ATAD2B: variants seen among roughly 807,000 people sequenced by gnomAD.
ATAD2B encodes the protein ATPase family AAA domain containing 2B, also known as ATPase family AAA domain-containing protein 2B.
A neutral mutation model predicts 167.6 loss-of-function variants in ATAD2B; 40 were observed. The observed-to-expected ratio is 0.24, with a 90% CI of 0.19 to 0.31. The LOEUF is 0.31. ATAD2B is among the 10% of genes least tolerant of loss of function. The probability of loss-of-function intolerance (pLI) is 1.00; values close to 1 mark genes in which losing one functional copy is unlikely to be tolerated. For missense variants in ATAD2B, 1,242 were observed against 1,757.2 expected, an observed-to-expected ratio of 0.71 and a Z score of 5.24; for synonymous variants, 579 against 596.5, an observed-to-expected ratio of 0.97 and a Z score of 0.43.
rs764574045 is a variant in ATAD2B at position 23,762,190 on chromosome 2, C to T, written c.3394+19G>A. ...CTCAGTTGTTCTCACTACTGGATAA[C>T]ATGAGCTGAAATACTCACATGCACA... On this transcript the variant is annotated intron_variant, in intron 24 of 27. Transcript: ENST00000238789. 3 of 1,612,078 alleles carry T rather than the reference C, an allele frequency of 1.9e-6. No individual in the cohort carries two copies. The highest frequency in any genetic ancestry group is 4.5e-5 in the East Asian group (2 of 44,806).
downstream of ATAD2B, among the ~76,000 whole-genome samples, chr2:23,745,849 C>T (rs899912228): frequency 2.0e-5 from 3 of 152,214 alleles, no homozygotes; most frequent in Non-Finnish European, 4.4e-5. Context: ...AAAGCAAGGA[C>T]CTTGCTGTCC....
intron 7 of ATAD2B, among the ~76,000 whole-genome samples, chr2:23,880,135 A>T (rs986999370): frequency 3.3e-5 from 5 of 152,114 alleles, no homozygotes; most frequent in Non-Finnish European, 7.3e-5. Flanking sequence ...TCAGTAAACT[A>T]TACAGTGTAA....
chr2:23,786,288 C>A, intron 20 of ATAD2B, 65 bp from the exon 21 acceptor site: 1 of 1,288,716 alleles, frequency 7.8e-7, no homozygotes. Context: ...TTTTGGCATT[C>A]TCTCAAAATG....
chr2:23,765,260 A>G (rs1677250560), intron 23 of ATAD2B, among the ~76,000 whole-genome samples: 1 of 152,248 alleles, frequency 6.6e-6, no homozygotes, highest in South Asian at 2.1e-4. Context: ...ATACTCCTAC[A>G]AAACAAATTT....
chr2:23,898,013 T>C (rs933988878), intron 1 of ATAD2B, among the ~76,000 whole-genome samples: 1 of 152,196 alleles, frequency 6.6e-6, no homozygotes, highest in Non-Finnish European at 1.5e-5. Flanking sequence ...TATGTGATCA[T>C]GGCTCACTGC....
At chr2:23,702,698 C>A in the ATAD2B span, among the ~76,000 whole-genome samples, 1 of 152,214 alleles carries the variant, frequency 6.6e-6, no homozygotes, top group African/African-American at 2.4e-5. Context: ...ACCTTCAGAC[C>A]ACTCAGCATC....
At chr2:23,686,185 T>C in the ATAD2B span, among the ~76,000 whole-genome samples, 2 of 151,782 alleles carry the variant, frequency 1.3e-5, no homozygotes, top group African/African-American at 4.8e-5. Flanking sequence ...GGGGCTGCAC[T>C]GGGGCAGGCA....
chr2:23,878,852 T>C lies in ATAD2B; in HGVS notation c.901+1787A>G, dbSNP rs189255124. The stretch of plus-strand genomic sequence containing the variant: ...AATAATAAGAAAACAAACAACCCAA[T>C]TGAAAAAATGGCCAGAGATCTGAAC... On this transcript the variant is annotated intron_variant, in intron 7 of 27. Transcript: ENST00000238789. 1.2e-4 allele frequency among the ~76,000 whole-genome samples: 18 copies of C among 151,932 alleles called. No homozygotes were observed. The East Asian group carries it at 3.3e-3, about 28-fold the overall frequency.
In ATAD2B at chr2:23,768,518, G is replaced by A. The variant is rs547895372; in HGVS notation, c.3134-2890C>T. ...CCCAAGGGAGTTGAGGCTGCAGTGA[G>A]CCATGTTCACACCACTGCACTCCAG... On this transcript the variant is annotated intron_variant, in intron 22 of 27. Transcript: ENST00000238789. 3.3e-5 allele frequency among the ~76,000 whole-genome samples: 5 copies of A among 151,702 alleles called. No homozygotes were observed. The South Asian group carries it at 1.0e-3, about 32-fold the overall frequency.
chr2:23,913,148 T>G (rs1702540998), intron 1 of ATAD2B, among the ~76,000 whole-genome samples: 1 of 152,144 alleles, frequency 6.6e-6, no homozygotes, highest in Non-Finnish European at 1.5e-5. Flanking sequence ...AAATATACAT[T>G]TTTCCCCAGC....
chr2:23,788,653 C>A lies in ATAD2B; in HGVS notation c.2641-6G>T, dbSNP rs765442571. 3 of 1,565,668 alleles carry A rather than the reference C, an allele frequency of 1.9e-6. No individual in the cohort carries two copies. Among genetic ancestry groups the A allele is most frequent in the South Asian group, 1.1e-5 (1 of 88,680 alleles). On this transcript the variant is annotated splice_region_variant and splice_polypyrimidine_tract_variant and intron_variant, in intron 19 of 27. Transcript: ENST00000238789. ...ATTCTAAAGATACATTTAACCTACA[C>A]ATATACACACACACAAAGACATTAA... is the stretch of plus-strand genomic sequence containing the variant.
At chr2:23,920,172 A>G (rs1246794407) in intron 1 of ATAD2B, among the ~76,000 whole-genome samples, 1 of 151,954 alleles carries the variant, frequency 6.6e-6, no homozygotes, top group Non-Finnish European at 1.5e-5. Context: ...AAAAGGTATT[A>G]ATTGGGCACT....
the ATAD2B span, chr2:23,706,383 G>A: frequency 2.1e-6 from 2 of 949,518 alleles, no homozygotes; most frequent in South Asian, 2.6e-5. Context: ...TCTGCAAAAG[G>A]CACAGGCAGC....
Position 23,872,396 on chromosome 2 carries a change from C to G in ATAD2B, c.978-2635G>C. The stretch of plus-strand genomic sequence containing the variant: ...CTAGTCGGCAGGTTCAGCTCCATGA[C>G]AGCCTCTTCAGAGAGACCATCCAAA... On this transcript the variant is annotated intron_variant, in intron 8 of 27. Transcript: ENST00000238789. 3 of 694,996 alleles carry G rather than the reference C, an allele frequency of 4.3e-6. 1 individual carries two copies. The highest frequency in any genetic ancestry group is 4.2e-5 in the South Asian group (3 of 72,278). The allele number at this position is 694,996 out of a possible 1,614,324, so 43.1% of individuals were successfully genotyped here. A position where few individuals can be genotyped will look rare whatever the true frequency, so the allele number is the denominator to read the frequency against.
the ATAD2B span, among the ~76,000 whole-genome samples, chr2:23,719,469 T>C: frequency 1.3e-5 from 2 of 152,022 alleles, no homozygotes; most frequent in Non-Finnish European, 2.9e-5. Context: ...CCCCACTCCA[T>C]CCAGAAAACC....
chr2:23,826,224 C>G (rs895012024), intron 15 of ATAD2B, among the ~76,000 whole-genome samples: 2 of 152,114 alleles, frequency 1.3e-5, no homozygotes, highest in African/African-American at 4.8e-5. Context: ...TTGAGAACTA[C>G]TGATTTAACA....
chr2:23,798,423 G>A (rs1188739041), intron 18 of ATAD2B, 100 bp from the exon 19 acceptor site: 3 of 915,514 alleles, frequency 3.3e-6, no homozygotes, highest in African/African-American at 3.4e-5. Flanking sequence ...GCCTATTATG[G>A]TCATTAGTTT....
intron 7 of ATAD2B, among the ~76,000 whole-genome samples, chr2:23,878,024 A>AAAAAAAAAAAAAAAAC (rs1697234353): frequency 7.0e-6 from 1 of 143,516 alleles, no homozygotes; most frequent in African/African-American, 2.5e-5. Flanking sequence ...GAAAAAAAAA[A>AAAAAAAAAAAAAAAAC]AAAAAAAAAA....
At chr2:23,716,680 T>C in the ATAD2B span, among the ~76,000 whole-genome samples, 1 of 152,340 alleles carries the variant, frequency 6.6e-6, no homozygotes. Context: ...TTCCTAACAT[T>C]GTCATCTTTC....
Sources: allele counts gnomAD v4.1 joint callset (sites outside exome capture counted in the v4.1 genomes callset), GRCh38; gene constraint gnomAD v4.1.1; transcripts MANE v1.5; gene names NCBI Gene and HGNC (gene_info 2026-07-23, HGNC 2026-07-21).